VPS54: variants seen among roughly 807,000 people sequenced by gnomAD.
VPS54 encodes the protein vacuolar protein sorting-associated protein 54.
Under a neutral mutation model 121.5 loss-of-function variants are expected in VPS54, and 45 were observed. That is an observed-to-expected ratio of 0.37 (90% CI 0.29 to 0.47). The LOEUF (loss-of-function observed/expected upper bound fraction) is 0.47. VPS54 is among the 20% of genes least tolerant of loss of function. VPS54 has a pLI of 0.99. For synonymous variants in VPS54, 371 were observed against 385.8 expected (o/e 0.96, Z 0.45); for missense variants, 1,090 against 1,131.4 (o/e 0.96, Z 0.52).
intron 22 of VPS54, among the ~76,000 whole-genome samples, chr2:63,893,776 A>T (rs1672326549): frequency 6.6e-6 from 1 of 152,236 alleles, no homozygotes; most frequent in Non-Finnish European, 1.5e-5. Flanking sequence ...CAGTTTCATG[A>T]TAAATTCAGC....
intron 22 of VPS54, among the ~76,000 whole-genome samples, chr2:63,897,177 C>G (rs550347241): frequency 6.6e-6 from 1 of 152,250 alleles, no homozygotes; most frequent in East Asian, 1.9e-4. Context: ...GTGACATTCA[C>G]ATGGTCACAC....
At chr2:63,897,919 T>A (rs1009247966) in intron 21 of VPS54, among the ~76,000 whole-genome samples, 18 of 152,214 alleles carry the variant, frequency 1.2e-4, no homozygotes, top group Non-Finnish European at 2.6e-4. Context: ...AATGTCATAA[T>A]GATAGAGGCA....
intron 1 of VPS54, among the ~76,000 whole-genome samples, chr2:64,006,281 T>C (rs1678150676): frequency 1.3e-5 from 2 of 152,236 alleles, no homozygotes; most frequent in Non-Finnish European, 2.9e-5. Flanking sequence ...AAGGTTCACA[T>C]ACATTTCAAA....
chr2:63,909,642 ACTC>A (rs1420672310), intron 20 of VPS54, among the ~76,000 whole-genome samples: 4 of 139,202 alleles, frequency 2.9e-5, no homozygotes, highest in African/African-American at 5.1e-5. Context: ...CTGGTCTTGA[ACTC>A]CTGACCTCAC....
chr2:63,946,211 TA>T (rs1674970775), intron 9 of VPS54, among the ~76,000 whole-genome samples: 1 of 152,132 alleles, frequency 6.6e-6, no homozygotes, highest in Non-Finnish European at 1.5e-5. Context: ...TTATTCTGTG[TA>T]ATCTATTCAT....
intron 3 of VPS54, among the ~76,000 whole-genome samples, chr2:63,980,767 T>C (rs982676337): frequency 3.3e-5 from 5 of 152,066 alleles, no homozygotes; most frequent in Non-Finnish European, 5.9e-5. Context: ...AACCAAATTA[T>C]AGGTTACAAA....
At chr2:64,018,892 G>C (rs554194381) in intron 1 of VPS54, 46 bp downstream of exon 1, 2 of 151,476 alleles carry the variant, frequency 1.3e-5, no homozygotes, top group East Asian at 3.9e-4. Context: ...TGTAGGTCGG[G>C]GTGAGAGTGG....
intron 12 of VPS54, among the ~76,000 whole-genome samples, chr2:63,928,829 T>C (rs1347247124): frequency 9.6e-6 from 1 of 104,082 alleles, no homozygotes; most frequent in Non-Finnish European, 1.9e-5. Flanking sequence ...ACCAAGCAAA[T>C]GGAAAGCAAA....
Position 63,947,409 on chromosome 2 carries a change from T to C in VPS54, c.1219A>G (p.Ile407Val), listed in dbSNP as rs753329117. The C allele has an allele frequency of 1.1e-5, 17 of 1,559,616 alleles. No homozygotes were observed. The highest frequency in any genetic ancestry group is 1.4e-5 in the African/African-American group (1 of 73,602). ...FLEIYGEKMV[I>V]TAKNIIKQCV... is the part of the protein sequence containing the mutation. Reference sequence around the variant, plus strand: ...TGTTTAATGATATTCTTTGCTGTAATAACCATTTTTTCACCATAGATTTCT... The same window carrying C: ...TGTTTAATGATATTCTTTGCTGTAACAACCATTTTTTCACCATAGATTTCT... Residue 407 changes from isoleucine (I) to valine (V), a missense_variant, in exon 9 of 23, where the codon ATT becomes GTT. Transcript: ENST00000272322.
intron 3 of VPS54, among the ~76,000 whole-genome samples, chr2:63,973,582 G>A (rs991582534): frequency 4.0e-5 from 6 of 151,836 alleles, no homozygotes; most frequent in Non-Finnish European, 8.8e-5. Flanking sequence ...TTTGAGACTG[G>A]GTCTAGTTCT....
chr2:63,927,805 G>A (rs954757853), intron 12 of VPS54, among the ~76,000 whole-genome samples: 1 of 152,164 alleles, frequency 6.6e-6, no homozygotes, highest in Non-Finnish European at 1.5e-5. Context: ...AACCAGTCTA[G>A]AGAAAAGCTT....
chr2:63,939,588 T>C (rs909975366), intron 11 of VPS54, among the ~76,000 whole-genome samples: 7 of 152,144 alleles, frequency 4.6e-5, no homozygotes, highest in African/African-American at 1.7e-4. Flanking sequence ...CTTCTCTTTG[T>C]AGAAAATTCA....
intron 20 of VPS54, among the ~76,000 whole-genome samples, chr2:63,909,918 G>C (rs1429935356): frequency 6.6e-6 from 1 of 151,262 alleles, no homozygotes. Flanking sequence ...GTAGAGACAG[G>C]GTTTCACCAT....
chr2:63,999,202 A>G (rs901347002), intron 1 of VPS54, among the ~76,000 whole-genome samples: 1 of 152,256 alleles, frequency 6.6e-6, no homozygotes, highest in Admixed American at 6.5e-5. Context: ...CACCCACCTC[A>G]GCCTCCCAAA....
intron 21 of VPS54, 132 bp from the exon 22 acceptor site, chr2:63,897,722 C>T (rs1191062830): frequency 1.8e-6 from 1 of 548,036 alleles, no homozygotes; most frequent in Non-Finnish European, 3.1e-6. Context: ...TAAAATCCTC[C>T]TCTGAAAGTA....
chr2:63,998,222 T>G (rs1485501210), intron 1 of VPS54, among the ~76,000 whole-genome samples: 1 of 152,178 alleles, frequency 6.6e-6, no homozygotes, highest in African/African-American at 2.4e-5. Context: ...TCTTATAGTT[T>G]GTGTCTTGAA....
chr2:63,913,848 G>A, intron 17 of VPS54: 2 of 1,080,592 alleles, frequency 1.9e-6, no homozygotes, highest in Non-Finnish European at 2.2e-6. Context: ...ATTTTGTAAA[G>A]TTCAGTGAAT....
chr2:63,978,938 C>T (rs375313312), intron 3 of VPS54, among the ~76,000 whole-genome samples: 2 of 152,060 alleles, frequency 1.3e-5, no homozygotes, highest in Non-Finnish European at 2.9e-5. Flanking sequence ...TATTTTTTCT[C>T]GAAAGAGATT....
chr2:63,972,615 G>A (rs114725380), intron 3 of VPS54, among the ~76,000 whole-genome samples: 4,829 of 152,184 alleles, frequency 0.032, 189 homozygotes, highest in African/African-American at 0.096. Context: ...GCCAGGTGCG[G>A]TAGCTCACAC....
Sources: gnomAD v4.1 joint callset for allele counts (sites outside exome capture counted in the v4.1 genomes callset) on GRCh38, gnomAD v4.1.1 for gene constraint, MANE v1.5 for transcripts, NCBI Gene and HGNC (gene_info 2026-07-23, HGNC 2026-07-21) for gene names.